Variants in PDE8B observed in about 807,000 individuals in gnomAD.
The protein encoded by PDE8B is phosphodiesterase 8B.
PDE8B carries 26 observed loss-of-function variants against 101.3 expected under a neutral mutation model. That is an observed-to-expected ratio of 0.26 (90% confidence interval 0.19 to 0.36). The LOEUF is 0.36. PDE8B is among the 10% of genes least tolerant of loss of function. The probability of loss-of-function intolerance (pLI) is 1.00; values close to 1 mark genes in which losing one functional copy is unlikely to be tolerated. For missense variants in PDE8B, 810 were observed against 1,163.1 expected (o/e 0.70, Z 4.42); for synonymous variants, 424 against 429.3 (o/e 0.99, Z 0.15).
At chr5:77,114,081 A>G in the PDE8B span, 2 of 152,218 alleles carry the variant, frequency 1.3e-5, no homozygotes, top group African/African-American at 4.8e-5. Flanking sequence ...AATTAGTTCA[A>G]CCATTGTGGA....
intron 6 of PDE8B, 81 bp downstream of exon 6, chr5:77,337,396 G>A: frequency 2.6e-6 from 2 of 774,942 alleles, no homozygotes; most frequent in East Asian, 2.6e-5. Flanking sequence ...ATGTTCAGGG[G>A]TTCATAGCTG....
intron 1 of PDE8B, among the ~76,000 whole-genome samples, chr5:77,291,968 T>C (rs1048490946): frequency 6.6e-6 from 1 of 152,018 alleles, no homozygotes; most frequent in Non-Finnish European, 1.5e-5. Context: ...GACTCCTTTT[T>C]TAAAAATCAA....
At chr5:77,359,494 G>C (rs966187213) in intron 10 of PDE8B, among the ~76,000 whole-genome samples, 2 of 152,132 alleles carry the variant, frequency 1.3e-5, no homozygotes, top group Non-Finnish European at 2.9e-5. Flanking sequence ...GCACGGATGG[G>C]GTTTTTTGAC....
chr5:77,426,423 T>C, intron 21 of PDE8B, 22 bp from the exon 22 acceptor site: 3 of 1,532,466 alleles, frequency 2.0e-6, no homozygotes, highest in South Asian at 1.1e-5. Flanking sequence ...CGGTTTCTTT[T>C]GATTCTTTTC....
chr5:77,094,057 GGT>G, the PDE8B span, among the ~76,000 whole-genome samples: 9 of 152,046 alleles, frequency 5.9e-5, no homozygotes, highest in Admixed American at 1.3e-4. Flanking sequence ...TCAAAATTAA[GGT>G]GTCAGCTGGG....
intron 1 of PDE8B, among the ~76,000 whole-genome samples, chr5:77,269,729 G>A (rs547211290): frequency 6.6e-6 from 1 of 152,252 alleles, no homozygotes; most frequent in African/African-American, 2.4e-5. Context: ...TAAAGAGATT[G>A]TCCTTTCTTC....
At chr5:77,271,356 G>T (rs1561448689) in intron 1 of PDE8B, among the ~76,000 whole-genome samples, 1 of 152,190 alleles carries the variant, frequency 6.6e-6, no homozygotes, top group Non-Finnish European at 1.5e-5. Context: ...ACCCTGGAAG[G>T]CTGTGGCTGG....
chr5:77,229,610 C>G (rs1383478676), intron 1 of PDE8B, among the ~76,000 whole-genome samples: 1 of 152,160 alleles, frequency 6.6e-6, no homozygotes, highest in East Asian at 1.9e-4. Flanking sequence ...CCTCCGCACT[C>G]CTACCCCTGG....
chr5:77,273,757 T>TA (rs1763259909), intron 1 of PDE8B, among the ~76,000 whole-genome samples: 1 of 152,142 alleles, frequency 6.6e-6, no homozygotes, highest in Non-Finnish European at 1.5e-5. Flanking sequence ...TTGATTTTTA[T>TA]TAACACAATG....
At chr5:77,421,319 A>G (rs1223221125) in intron 19 of PDE8B, among the ~76,000 whole-genome samples, 3 of 152,198 alleles carry the variant, frequency 2.0e-5, no homozygotes, top group Non-Finnish European at 4.4e-5. Context: ...GGGACAGGTC[A>G]TAGGAGGGAG....
the PDE8B span, among the ~76,000 whole-genome samples, chr5:77,181,049 T>C: frequency 6.6e-6 from 1 of 151,610 alleles, no homozygotes; most frequent in South Asian, 2.1e-4. Flanking sequence ...GACTCTGCAA[T>C]GGGGCACCCA....
the PDE8B span, among the ~76,000 whole-genome samples, chr5:77,110,078 C>A: frequency 6.6e-6 from 1 of 151,630 alleles, no homozygotes; most frequent in African/African-American, 2.4e-5. Context: ...GCTGGGATTA[C>A]AAGCATGCAC....
intron 1 of PDE8B, among the ~76,000 whole-genome samples, chr5:77,257,027 T>A (rs1359099720): frequency 6.6e-6 from 1 of 152,152 alleles, no homozygotes; most frequent in African/African-American, 2.4e-5. Flanking sequence ...GTAGTGATCG[T>A]ACATAGAATA....
At chr5:77,119,967 C>T in the PDE8B span, among the ~76,000 whole-genome samples, 105 of 151,948 alleles carry the variant, frequency 6.9e-4, no homozygotes, top group Middle Eastern at 6.8e-3. Flanking sequence ...CTATAATCAC[C>T]CACCCTGGGT....
At chr5:77,248,722 G>A (rs1373625611) in intron 1 of PDE8B, among the ~76,000 whole-genome samples, 6 of 152,202 alleles carry the variant, frequency 3.9e-5, no homozygotes, top group Admixed American at 1.3e-4. Context: ...GCTATGGACT[G>A]AATTGTGTCC....
the PDE8B span, among the ~76,000 whole-genome samples, chr5:77,115,953 G>A: frequency 6.6e-6 from 1 of 152,142 alleles, no homozygotes; most frequent in African/African-American, 2.4e-5. Flanking sequence ...AAGAAACCTA[G>A]CAGAGTGACA....
chr5:77,099,751 A>G, the PDE8B span, among the ~76,000 whole-genome samples: 20 of 152,058 alleles, frequency 1.3e-4, no homozygotes, highest in Non-Finnish European at 2.6e-4. Flanking sequence ...CTGGGACTAT[A>G]GGTGCACGTC....
the PDE8B span, chr5:77,147,041 G>C: frequency 2.2e-6 from 1 of 450,774 alleles, no homozygotes; most frequent in South Asian, 1.7e-5. Context: ...AATATGAAAA[G>C]GATATTGCCT....
chr5:77,339,514 T>C (rs1778822373), intron 6 of PDE8B, among the ~76,000 whole-genome samples: 1 of 152,060 alleles, frequency 6.6e-6, no homozygotes, highest in Non-Finnish European at 1.5e-5. Context: ...GCCCAGCAGA[T>C]AGGGGCAGTG....
Sources: allele counts gnomAD v4.1 joint callset (sites outside exome capture counted in the v4.1 genomes callset), GRCh38; gene constraint gnomAD v4.1.1; transcripts MANE v1.5; gene names NCBI Gene and HGNC (gene_info 2026-07-23, HGNC 2026-07-21).